The following COL22A1 variants were observed in gnomAD, a reference collection of about 807,000 sequenced individuals.
The protein encoded by COL22A1 is collagen type XXII alpha 1 chain.
A neutral mutation model predicts 248.9 loss-of-function variants in COL22A1; 221 were observed. The observed-to-expected ratio is 0.89, with a 90% CI of 0.80 to 0.99. The LOEUF (loss-of-function observed/expected upper bound fraction) is 0.99, where lower values mean the gene tolerates loss of function less well. COL22A1 is among the 50% of genes least tolerant of loss of function. COL22A1 has a pLI of 0.00. For synonymous variants in COL22A1, 891 were observed against 793.4 expected (o/e 1.12, Z -2.07); for missense variants, 2,240 against 2,179.0 (o/e 1.03, Z -0.56).
chr8:138,649,645 G>C lies in COL22A1; in HGVS notation c.3447+20C>G. On this transcript the variant is annotated intron_variant, in intron 46 of 64. Transcript: ENST00000303045. ...TTTTCATTGTAATGATAAAAATCGA[G>C]TTTCCCCTTTTCTCCTTACCTTTTT... 3 of 1,605,288 alleles carry C rather than the reference G, an allele frequency of 1.9e-6. No individual in the cohort carries two copies. The highest frequency in any genetic ancestry group is 2.6e-6 in the Non-Finnish European group (3 of 1,175,188).
intron 1 of COL22A1, among the ~76,000 whole-genome samples, chr8:138,910,187 C>T (rs1815353224): frequency 6.6e-6 from 1 of 152,238 alleles, no homozygotes; most frequent in Admixed American, 6.5e-5. Context: ...TGTATTCACT[C>T]ACTCATTGAT....
intron 12 of COL22A1, among the ~76,000 whole-genome samples, chr8:138,787,440 G>A (rs1815632444): frequency 6.6e-6 from 1 of 152,194 alleles, no homozygotes; most frequent in Non-Finnish European, 1.5e-5. Context: ...TCACCTGGAA[G>A]GGAGATGACA....
At chr8:138,599,008 C>T (rs1293947680) in intron 60 of COL22A1, 110 bp from the exon 61 acceptor site, 7 of 1,189,070 alleles carry the variant, frequency 5.9e-6, no homozygotes, top group Non-Finnish European at 8.5e-6. Flanking sequence ...GAAAGGGAGA[C>T]CTTGGCCCTG....
intron 2 of COL22A1, among the ~76,000 whole-genome samples, chr8:138,879,690 CAAAAAAAAAAAAA>C (rs372214665): frequency 1.0e-5 from 1 of 99,044 alleles, no homozygotes; most frequent in African/African-American, 4.5e-5. Context: ...GACACTCTCT[CAAAAAAAAAAAAA>C]AAAAAAAAAA....
At chr8:138,804,835 TGTGTGCATAC>T (rs1817338083) in intron 10 of COL22A1, among the ~76,000 whole-genome samples, 1 of 148,134 alleles carries the variant, frequency 6.8e-6, no homozygotes, top group Non-Finnish European at 1.5e-5. Context: ...ATGGGGTGTG[TGTGTGCATAC>T]GTATGTATAT....
intron 22 of COL22A1, among the ~76,000 whole-genome samples, chr8:138,738,038 C>T (rs1385532679): frequency 6.6e-6 from 1 of 152,130 alleles, no homozygotes. Flanking sequence ...CTTCAGCTTG[C>T]CATTCAACCT....
chr8:138,805,688 T>C (rs1817517453), intron 10 of COL22A1, among the ~76,000 whole-genome samples: 2 of 147,378 alleles, frequency 1.4e-5, no homozygotes, highest in Admixed American at 1.3e-4. Flanking sequence ...ATGGTATGTG[T>C]TTGTGATGGT....
intron 3 of COL22A1, among the ~76,000 whole-genome samples, chr8:138,870,668 C>T (rs62645400): frequency 0.1 from 15,117 of 150,500 alleles, 902 homozygotes; most frequent in Middle Eastern, 0.15. Context: ...GTGTGCAAAA[C>T]GTGTATTTGC....
At chr8:138,639,903 C>T (rs947918099) in intron 47 of COL22A1, among the ~76,000 whole-genome samples, 2 of 152,166 alleles carry the variant, frequency 1.3e-5, no homozygotes, top group Admixed American at 6.5e-5. Flanking sequence ...GAGAAGTTTA[C>T]CTTTGCTTTG....
intron 11 of COL22A1, 131 bp downstream of exon 11, chr8:138,802,741 T>C (rs558256144): frequency 1.4e-5 from 10 of 727,914 alleles, no homozygotes; most frequent in East Asian, 1.3e-4. Context: ...ATCTTGAGGG[T>C]GGTGTGGGAG....
At chr8:138,852,239 G>T (rs1821698808) in intron 3 of COL22A1, among the ~76,000 whole-genome samples, 1 of 152,126 alleles carries the variant, frequency 6.6e-6, no homozygotes, top group Non-Finnish European at 1.5e-5. Flanking sequence ...CTGTGACAGG[G>T]AAAGGGTGGA....
At chr8:138,784,268 GT>G (rs1815301220) in intron 12 of COL22A1, among the ~76,000 whole-genome samples, 1 of 152,222 alleles carries the variant, frequency 6.6e-6, no homozygotes, top group African/African-American at 2.4e-5. Context: ...CAGACAAGTG[GT>G]TTGGGAATAT....
chr8:138,805,833 ATGG>A (rs1817548546), intron 10 of COL22A1, among the ~76,000 whole-genome samples: 1 of 109,370 alleles, frequency 9.1e-6, no homozygotes, highest in Non-Finnish European at 1.9e-5. Context: ...TGTGTTTTTG[ATGG>A]TGTGTGTGTA....
At chr8:138,871,844 G>A (rs112141484) in intron 3 of COL22A1, among the ~76,000 whole-genome samples, 294 of 152,258 alleles carry the variant, frequency 1.9e-3, no homozygotes, top group African/African-American at 6.7e-3. Context: ...GAAAAAATGT[G>A]CAAAACAGAC....
chr8:138,646,700 G>GA lies in COL22A1; in HGVS notation c.3448-19dup, dbSNP rs144615970. On this transcript the variant is annotated intron_variant, in intron 46 of 64. Transcript: ENST00000303045. Reference sequence around the variant, plus strand: ...GCCTCTCCCTGTATCAGGGATACAAGAAAAAAAAAGAAAACAAGAATGAGT... The same window carrying GA: ...GCCTCTCCCTGTATCAGGGATACAAGAAAAAAAAAAGAAAACAAGAATGAGT... 1,320 of 1,505,314 alleles carry GA rather than the reference G, an allele frequency of 8.8e-4. No homozygotes were observed. The highest frequency in any genetic ancestry group is 1.3e-3 in the South Asian group (104 of 78,966). The allele number at this position is 1,505,314 out of a possible 1,614,324, so 93.2% of individuals were successfully genotyped here.
In COL22A1 at chr8:138,855,419, G is replaced by A. The variant is rs548630548; in HGVS notation, c.659-11261C>T. 3.9e-4 allele frequency among the ~76,000 whole-genome samples: 60 copies of A among 152,330 alleles called. No homozygotes were observed. In the South Asian group the frequency reaches 6.0e-3, roughly 15 times the overall value. Reference sequence around the variant, plus strand: ...AAGTGGCAGCAGTGTGGCTCCAGGGGCCCTGCATGCTCCTTGCTGCTGCCT... The same window carrying A: ...AAGTGGCAGCAGTGTGGCTCCAGGGACCCTGCATGCTCCTTGCTGCTGCCT... On this transcript the variant is annotated intron_variant, in intron 3 of 64. Coordinates refer to ENST00000303045, the MANE Select transcript of COL22A1 (RefSeq NM_152888.3).
rs1831033376 is a variant in COL22A1, at chr8:138,735,446, T to C, written c.2139+2078A>G. On this transcript the variant is annotated intron_variant, in intron 23 of 64. Coordinates refer to ENST00000303045, the MANE Select transcript of COL22A1 (RefSeq NM_152888.3). ...CTCAATGTCTGGCCTTCAGTAAAGA[T>C]TCACTGAATGAAAATGACTTCAAAG... 2.0e-5 allele frequency among the ~76,000 whole-genome samples: 3 copies of C among 152,172 alleles called. No individual in the cohort carries two copies. The South Asian group carries it at 6.2e-4, about 32-fold the overall frequency.
chr8:138,841,905 C>G (rs1377187363), intron 4 of COL22A1, among the ~76,000 whole-genome samples: 3 of 152,128 alleles, frequency 2.0e-5, no homozygotes, highest in Non-Finnish European at 4.4e-5. Context: ...TGCAACGCAG[C>G]CTATTTTTCC....
intron 30 of COL22A1, among the ~76,000 whole-genome samples, chr8:138,714,076 C>A (rs1176568383): frequency 6.6e-6 from 1 of 152,198 alleles, no homozygotes; most frequent in African/African-American, 2.4e-5. Context: ...TCCTCTGTTA[C>A]ACTGTGATTT....
Sources: allele counts gnomAD v4.1 joint callset (sites outside exome capture counted in the v4.1 genomes callset), GRCh38; gene constraint gnomAD v4.1.1; transcripts MANE v1.5; gene names NCBI Gene and HGNC (gene_info 2026-07-23, HGNC 2026-07-21).